The following DTNBP1 variants were observed in gnomAD, a reference collection of about 807,000 sequenced individuals.
DTNBP1 encodes dysbindin.
DTNBP1 carries 35 observed loss-of-function variants against 42.8 expected under a neutral mutation model. The ratio of observed to expected loss-of-function variants is 0.82; its 90% CI spans 0.63 to 1.09. The LOEUF (loss-of-function observed/expected upper bound fraction) is 1.09, where lower values mean the gene tolerates loss of function less well. DTNBP1 is among the 50% of genes least tolerant of loss of function. The probability of loss-of-function intolerance (pLI) is 0.00; values close to 1 mark genes in which losing one functional copy is unlikely to be tolerated. For missense variants in DTNBP1, 457 were observed against 424.2 expected (o/e 1.08, Z -0.68); for synonymous variants, 171 against 162.2 (o/e 1.05, Z -0.41).
rs556656611 is a variant in DTNBP1 at position 15,523,488 on chromosome 6, G to A, written c.812-269C>T. ...AAGTGCTCCTAAGGCTGTAATACGCGTGTAATAGAGGCCCAAAGGCAAGTG... is the reference window on the plus strand; with the variant it reads ...AAGTGCTCCTAAGGCTGTAATACGCATGTAATAGAGGCCCAAAGGCAAGTG... On this transcript the variant is annotated intron_variant, in intron 9 of 9. Coordinates refer to ENST00000344537, the MANE Select transcript of DTNBP1 (RefSeq NM_032122.5). 18 of 1,284,370 alleles carry A rather than the reference G, an allele frequency of 1.4e-5. No individual in the cohort carries two copies. The East Asian group carries it at 2.5e-4, about 18-fold the overall frequency. 79.6% of individuals were successfully genotyped at this position (1,284,370 alleles called of 1,614,324 possible).
intron 8 of DTNBP1, among the ~76,000 whole-genome samples, chr6:15,531,816 TAG>T (rs1296701393): frequency 1.4e-4 from 22 of 152,190 alleles, no homozygotes; most frequent in African/African-American, 4.8e-4. Context: ...GTATTTTCAG[TAG>T]AGACGAGGTT....
intron 7 of DTNBP1, among the ~76,000 whole-genome samples, chr6:15,590,111 T>G (rs575515840): frequency 6.6e-6 from 1 of 152,266 alleles, no homozygotes; most frequent in Admixed American, 6.5e-5. Flanking sequence ...TTTTTGTATT[T>G]TTAGTAGAGA....
chr6:15,601,270 C>A (rs1050757490), intron 6 of DTNBP1, among the ~76,000 whole-genome samples: 1 of 152,122 alleles, frequency 6.6e-6, no homozygotes, highest in South Asian at 2.1e-4. Flanking sequence ...AATGTTGATG[C>A]AATCTTTCTT....
chr6:15,624,978 T>C (rs970326783), intron 5 of DTNBP1, among the ~76,000 whole-genome samples: 3 of 152,222 alleles, frequency 2.0e-5, no homozygotes, highest in African/African-American at 7.2e-5. Context: ...AAGTGTTTGT[T>C]TTCCTACTGT....
At chr6:15,543,484 G>A (rs1047107228) in intron 7 of DTNBP1, among the ~76,000 whole-genome samples, 21 of 152,146 alleles carry the variant, frequency 1.4e-4, no homozygotes, top group Non-Finnish European at 1.8e-4. Flanking sequence ...CAGTACCACC[G>A]TAAGACTCCC....
intron 6 of DTNBP1, among the ~76,000 whole-genome samples, chr6:15,594,191 G>A (rs1328929696): frequency 2.0e-5 from 3 of 152,140 alleles, no homozygotes; most frequent in African/African-American, 7.2e-5. Context: ...GGCTGGGCGT[G>A]GTGGCTCATG....
chr6:15,640,048 T>C lies in DTNBP1; in HGVS notation c.162-2244A>G, dbSNP rs1180024655. On this transcript the variant is annotated intron_variant, in intron 3 of 9. Coordinates refer to ENST00000344537, the MANE Select transcript of DTNBP1 (RefSeq NM_032122.5). ...GCACCTAGTTCATTCATGATTTTCC[T>C]ACTGTTTTCAGCATTCTCTAAACCT... Among the ~76,000 whole-genome samples, 3 of 152,216 alleles carry C rather than the reference T, an allele frequency of 2.0e-5. No homozygotes were observed. The East Asian group carries it at 5.8e-4, about 29-fold the overall frequency.
intron 7 of DTNBP1, among the ~76,000 whole-genome samples, chr6:15,572,633 T>C (rs1328726805): frequency 6.6e-5 from 10 of 152,208 alleles, no homozygotes; most frequent in Admixed American, 3.9e-4. Context: ...GTCCTATTAA[T>C]CATTTTCATT....
At chr6:15,639,776 T>G (rs1476516009) in intron 3 of DTNBP1, among the ~76,000 whole-genome samples, 1 of 152,230 alleles carries the variant, frequency 6.6e-6, no homozygotes, top group Non-Finnish European at 1.5e-5. Flanking sequence ...AAGAGACACA[T>G]TAAATGTCTG....
At chr6:15,528,741 A>G (rs982875185) in intron 8 of DTNBP1, among the ~76,000 whole-genome samples, 2 of 152,212 alleles carry the variant, frequency 1.3e-5, no homozygotes, top group African/African-American at 4.8e-5. Flanking sequence ...AATGAAAGAC[A>G]GCCATGTCAT....
chr6:15,636,077 G>C (rs977801526), intron 4 of DTNBP1, among the ~76,000 whole-genome samples: 1 of 151,968 alleles, frequency 6.6e-6, no homozygotes, highest in African/African-American at 2.4e-5. Flanking sequence ...AAATCTGAGG[G>C]ACCTAGGTTT....
Position 15,593,385 on chromosome 6 carries a change from C to T in DTNBP1, c.489-304G>A, listed in dbSNP as rs554399241. ...TAAGAACACAGACAGCATTTTAATC[C>T]CAGCTATGAACCATCTCATACATGT... On this transcript the variant is annotated intron_variant, in intron 6 of 9. Coordinates refer to ENST00000344537, the MANE Select transcript of DTNBP1 (RefSeq NM_032122.5). 4.6e-5 allele frequency among the ~76,000 whole-genome samples: 7 copies of T among 152,226 alleles called. No individual in the cohort carries two copies. The South Asian group carries it at 1.0e-3, about 23-fold the overall frequency.
At chr6:15,523,774 G>A (rs1309410655) in intron 9 of DTNBP1, 4 of 1,287,210 alleles carry the variant, frequency 3.1e-6, no homozygotes, top group South Asian at 2.5e-5. Flanking sequence ...TTCTCAGGAT[G>A]AGGGCAAATG....
rs1759418768 is a variant in DTNBP1 at position 15,627,495 on chromosome 6, G to C, written c.223-20C>G. The C allele has an allele frequency of 6.2e-7, 1 of 1,613,450 alleles. No homozygotes were observed. Among genetic ancestry groups the C allele is most frequent in the Non-Finnish European group, 8.5e-7 (1 of 1,179,782 alleles). On this transcript the variant is annotated intron_variant, in intron 4 of 9. Transcript: ENST00000344537. Reference sequence around the variant, plus strand: ...CACCAGCTGCAGCACACAAGAAGGGGGGTAAAGTGAAACCAGGTTTTAGGC... The same window carrying C: ...CACCAGCTGCAGCACACAAGAAGGGCGGTAAAGTGAAACCAGGTTTTAGGC...
chr6:15,648,482 T>A (rs563352646), intron 3 of DTNBP1, among the ~76,000 whole-genome samples: 1 of 152,148 alleles, frequency 6.6e-6, no homozygotes, highest in East Asian at 1.9e-4. Flanking sequence ...AATGATATGA[T>A]CTTATATGCA....
intron 1 of DTNBP1, among the ~76,000 whole-genome samples, chr6:15,655,478 C>G (rs954960509): frequency 4.6e-5 from 7 of 152,032 alleles, no homozygotes; most frequent in African/African-American, 1.7e-4. Context: ...CTTTTCTCAC[C>G]ACTTCTTCTC....
At chr6:15,571,244 C>T (rs1775326520) in intron 7 of DTNBP1, among the ~76,000 whole-genome samples, 1 of 152,080 alleles carries the variant, frequency 6.6e-6, no homozygotes, top group Non-Finnish European at 1.5e-5. Context: ...CTCTATTGTA[C>T]ATATTTAGAA....
At chr6:15,651,055 TAAAG>T (rs1285143409) in intron 3 of DTNBP1, among the ~76,000 whole-genome samples, 1 of 152,138 alleles carries the variant, frequency 6.6e-6, no homozygotes, top group African/African-American at 2.4e-5. Flanking sequence ...TTTCTTGTAA[TAAAG>T]AAGCCGTACA....
At chr6:15,529,041 C>G (rs1160940481) in intron 8 of DTNBP1, among the ~76,000 whole-genome samples, 1 of 152,206 alleles carries the variant, frequency 6.6e-6, no homozygotes, top group Admixed American at 6.5e-5. Context: ...TCCCAGCACT[C>G]TGGGAGGCCC....
Sources: gnomAD v4.1 joint callset for allele counts (sites outside exome capture counted in the v4.1 genomes callset) on GRCh38, gnomAD v4.1.1 for gene constraint, MANE v1.5 for transcripts, NCBI Gene and HGNC (gene_info 2026-07-23, HGNC 2026-07-21) for gene names.